Variants in NRXN1 observed in about 807,000 individuals in gnomAD.
NRXN1 encodes the protein neurexin 1, also known as neurexin-1.
NRXN1 carries 39 observed loss-of-function variants against 150.9 expected under a neutral mutation model. The observed-to-expected ratio is 0.26, with a 90% CI of 0.20 to 0.34. NRXN1 has a LOEUF of 0.34. NRXN1 is among the 10% of genes least tolerant of loss of function. The probability of loss-of-function intolerance (pLI) is 1.00; values close to 1 mark genes in which losing one functional copy is unlikely to be tolerated. For missense variants in NRXN1, 1,815 were observed against 1,949.9 expected (o/e 0.93, Z 1.30); for synonymous variants, 924 against 757.0 (o/e 1.22, Z -3.62).
chr2:50,006,163 T>G (rs1029929222), intron 21 of NRXN1, among the ~76,000 whole-genome samples: 28 of 152,264 alleles, frequency 1.8e-4, no homozygotes, highest in African/African-American at 6.7e-4. Context: ...AAGCTCATAA[T>G]CAATGGCCAA....
chr2:49,984,204 A>T (rs1680512373), intron 21 of NRXN1, among the ~76,000 whole-genome samples: 1 of 152,094 alleles, frequency 6.6e-6, no homozygotes, highest in Non-Finnish European at 1.5e-5. Flanking sequence ...AAGCAAATAC[A>T]GACAAAGCAA....
At chr2:50,352,896 T>C (rs2078527284) in intron 17 of NRXN1, among the ~76,000 whole-genome samples, 1 of 151,918 alleles carries the variant, frequency 6.6e-6, no homozygotes, top group South Asian at 2.1e-4. Context: ...CAGGTTTATT[T>C]ATGAAGTGTT....
At chr2:50,215,535 C>G (rs1169557965) in intron 18 of NRXN1, among the ~76,000 whole-genome samples, 1 of 151,792 alleles carries the variant, frequency 6.6e-6, no homozygotes, top group Non-Finnish European at 1.5e-5. Flanking sequence ...AATCAGAAAA[C>G]CTAAACTCTG....
intron 17 of NRXN1, among the ~76,000 whole-genome samples, chr2:50,366,625 T>C (rs190676942): frequency 2.2e-4 from 34 of 152,088 alleles, no homozygotes; most frequent in African/African-American, 8.2e-4. Context: ...AAAATGTAAA[T>C]TGAATTTACA....
chr2:50,510,230 G>A (rs1010036216), intron 12 of NRXN1, among the ~76,000 whole-genome samples: 8 of 152,102 alleles, frequency 5.3e-5, no homozygotes, highest in African/African-American at 1.7e-4. Flanking sequence ...GCTCTCGTCT[G>A]TAATCCCAGC....
intron 15 of NRXN1, among the ~76,000 whole-genome samples, chr2:50,490,089 G>A (rs1361372575): frequency 6.6e-6 from 1 of 152,174 alleles, no homozygotes; most frequent in Non-Finnish European, 1.5e-5. Context: ...AAATTCTTGT[G>A]TAAGGAAAGG....
intron 2 of NRXN1, among the ~76,000 whole-genome samples, chr2:50,994,034 A>G (rs1305381350): frequency 6.6e-6 from 1 of 151,960 alleles, no homozygotes; most frequent in Non-Finnish European, 1.5e-5. Context: ...GATTTTGTTT[A>G]CCATGTTCTC....
intron 9 of NRXN1, among the ~76,000 whole-genome samples, chr2:50,542,130 A>C (rs1257470537): frequency 6.6e-6 from 1 of 152,106 alleles, no homozygotes; most frequent in Non-Finnish European, 1.5e-5. Context: ...AAAAATACAA[A>C]ATTAGCCGGG....
chr2:50,463,270 C>A (rs1454164226), intron 17 of NRXN1, among the ~76,000 whole-genome samples: 2 of 151,806 alleles, frequency 1.3e-5, no homozygotes, highest in Non-Finnish European at 2.9e-5. Context: ...AATTCCACGT[C>A]TTCAAAGTAA....
At position 50,865,138 on chromosome 2, in the gene NRXN1, G is replaced by A. The variant is rs1038456089; in HGVS notation, c.832+56731C>T. ...CTGTGGTTCACCTCCATCCCAGAAT[G>A]AGCAATTGTAGTTCTAGGGTCTACA... On this transcript the variant is annotated intron_variant, in intron 5 of 22. Transcript: ENST00000401669. Among the ~76,000 whole-genome samples the A allele has an allele frequency of 4.6e-5, 7 of 151,856 alleles. No individual in the cohort carries two copies. The East Asian group carries it at 9.7e-4, about 21-fold the overall frequency.
At chr2:50,547,714 A>C (rs897701400) in intron 9 of NRXN1, among the ~76,000 whole-genome samples, 1 of 151,950 alleles carries the variant, frequency 6.6e-6, no homozygotes, top group Non-Finnish European at 1.5e-5. Context: ...GAAGTCATCC[A>C]CTCTGATTCA....
intron 8 of NRXN1, among the ~76,000 whole-genome samples, chr2:50,561,889 C>T (rs756848228): frequency 3.3e-5 from 5 of 152,106 alleles, no homozygotes; most frequent in African/African-American, 9.7e-5. Flanking sequence ...AGATACTTTC[C>T]GCATCAGTCT....
At chr2:50,781,758 G>A (rs531282806) in intron 5 of NRXN1, among the ~76,000 whole-genome samples, 1 of 152,254 alleles carries the variant, frequency 6.6e-6, no homozygotes, top group East Asian at 1.9e-4. Flanking sequence ...AAATATTTAT[G>A]CCTTTTTATT....
rs1422091697 is a variant in NRXN1, at chr2:50,052,293, G to T, written c.4128+978C>A. On this transcript the variant is annotated intron_variant, in intron 21 of 22. Transcript: ENST00000401669. ...CGTGTATTTGGAAAAGCTTTAAATG[G>T]CACCTACTGAATATACTCACTATCA... Among the ~76,000 whole-genome samples the T allele has an allele frequency of 3.3e-5, 5 of 151,962 alleles. 1 individual carries two copies. The South Asian group carries it at 1.0e-3, about 31-fold the overall frequency.
intron 5 of NRXN1, among the ~76,000 whole-genome samples, chr2:50,705,305 CAAAT>C (rs1175035209): frequency 6.6e-6 from 1 of 152,030 alleles, no homozygotes; most frequent in Non-Finnish European, 1.5e-5. Context: ...TTTATTTAAA[CAAAT>C]AAATGGGTAC....
intron 17 of NRXN1, among the ~76,000 whole-genome samples, chr2:50,317,691 T>C (rs530810411): frequency 5.0e-4 from 76 of 151,988 alleles, no homozygotes; most frequent in African/African-American, 1.8e-3. Context: ...AGTAAAACCA[T>C]GGCAAACATC....
chr2:50,896,407 A>G (rs1681962441), intron 5 of NRXN1, among the ~76,000 whole-genome samples: 1 of 152,200 alleles, frequency 6.6e-6, no homozygotes, highest in South Asian at 2.1e-4. Flanking sequence ...CTCTGCAGAG[A>G]CAAACAAGGA....
intron 17 of NRXN1, among the ~76,000 whole-genome samples, chr2:50,397,419 T>C (rs1412680808): frequency 1.3e-5 from 2 of 152,006 alleles, no homozygotes; most frequent in African/African-American, 4.8e-5. Flanking sequence ...CAATGGACAT[T>C]TGTTAAGTGA....
At chr2:50,916,015 A>G (rs1685165493) in intron 5 of NRXN1, among the ~76,000 whole-genome samples, 2 of 146,178 alleles carry the variant, frequency 1.4e-5, no homozygotes, top group African/African-American at 5.1e-5. Flanking sequence ...ACTCCCTCAA[A>G]TGAAAATCTT....
Sources: gnomAD v4.1 joint callset for allele counts (sites outside exome capture counted in the v4.1 genomes callset) on GRCh38, gnomAD v4.1.1 for gene constraint, MANE v1.5 for transcripts, NCBI Gene and HGNC (gene_info 2026-07-23, HGNC 2026-07-21) for gene names.